IL34: variants seen among roughly 807,000 people sequenced by gnomAD.
IL34 encodes interleukin-34.
IL34 carries 17 observed loss-of-function variants against 25.3 expected under a neutral mutation model. The ratio of observed to expected loss-of-function variants is 0.67; its 90% CI spans 0.46 to 1.01. IL34 has a LOEUF of 1.01. IL34 is among the 50% of genes least tolerant of loss of function. IL34 has a pLI of 0.00. For missense variants in IL34, 368 were observed against 312.9 expected (o/e 1.18, Z -1.33); for synonymous variants, 174 against 140.9 (o/e 1.23, Z -1.66).
At chr16:70,637,323 C>T (rs562580986) in intron 1 of IL34, among the ~76,000 whole-genome samples, 68 of 152,088 alleles carry the variant, frequency 4.5e-4, no homozygotes, top group Admixed American at 3.3e-3. Flanking sequence ...TTAGGTTTTA[C>T]AATTAATTCT....
intron 1 of IL34, among the ~76,000 whole-genome samples, chr16:70,607,264 G>A (rs2051020537): frequency 6.6e-6 from 1 of 152,072 alleles, no homozygotes; most frequent in African/African-American, 2.4e-5. Context: ...ACCACACCCA[G>A]CTAATTTTTT....
intron 1 of IL34, among the ~76,000 whole-genome samples, chr16:70,651,085 A>G (rs1293299530): frequency 6.6e-6 from 1 of 151,994 alleles, no homozygotes; most frequent in Non-Finnish European, 1.5e-5. Context: ...GGTGGCGCGC[A>G]CCTGTAATCC....
chr16:70,660,346 G>A lies in IL34; in HGVS notation c.*159G>A. The A allele has an allele frequency of 1.6e-6, 1 of 643,904 alleles. No homozygotes were observed. Among genetic ancestry groups the A allele is most frequent in the Non-Finnish European group, 2.5e-6 (1 of 399,760 alleles). The allele number at this position is 643,904 out of a possible 1,614,324, so 39.9% of individuals were successfully genotyped here. On this transcript the variant is annotated 3_prime_UTR_variant, in exon 6 of 6. Transcript: ENST00000288098. ...TGAGGGGGATTCTGTGCCACAGCAGGGCTCAGCTTCCTGCCTTCCATAGCT... is the reference window on the plus strand; with the variant it reads ...TGAGGGGGATTCTGTGCCACAGCAGAGCTCAGCTTCCTGCCTTCCATAGCT...
chr16:70,630,357 G>C (rs542185312), intron 1 of IL34, among the ~76,000 whole-genome samples: 3 of 151,944 alleles, frequency 2.0e-5, no homozygotes, highest in Non-Finnish European at 4.4e-5. Flanking sequence ...TCAACCTCCC[G>C]AGTAGCTGGG....
chr16:70,639,549 A>T (rs2051732980), intron 1 of IL34, among the ~76,000 whole-genome samples: 1 of 152,218 alleles, frequency 6.6e-6, no homozygotes, highest in Non-Finnish European at 1.5e-5. Context: ...CAACATCAGC[A>T]AAGAGTGGAG....
chr16:70,659,793 C>T, intron 5 of IL34, 40 bp downstream of exon 5: 1 of 1,573,598 alleles, frequency 6.4e-7, no homozygotes. Context: ...GGGTGGGAGG[C>T]CAGGCATCTG....
intron 1 of IL34, among the ~76,000 whole-genome samples, chr16:70,612,551 A>C (rs527285206): frequency 4.1e-4 from 62 of 152,362 alleles, no homozygotes; most frequent in African/African-American, 1.4e-3. Context: ...AATGATTCAC[A>C]CTAAAGTGTG....
chr16:70,637,187 G>A (rs577268321), intron 1 of IL34, among the ~76,000 whole-genome samples: 1 of 151,766 alleles, frequency 6.6e-6, no homozygotes, highest in African/African-American at 2.4e-5. Context: ...AATTTTTTCA[G>A]TTTATTTTTT....
intron 1 of IL34, among the ~76,000 whole-genome samples, chr16:70,584,885 G>C (rs2050673924): frequency 1.3e-5 from 2 of 152,072 alleles, no homozygotes; most frequent in African/African-American, 4.8e-5. Flanking sequence ...ATTTTTAGTA[G>C]AGACAGGGTT....
chr16:70,587,607 C>T lies in IL34; in HGVS notation c.-401+7558C>T, dbSNP rs2050709973. 6.6e-5 allele frequency among the ~76,000 whole-genome samples: 10 copies of T among 152,124 alleles called. No individual in the cohort carries two copies. The South Asian group carries it at 2.1e-3, about 32-fold the overall frequency. ...GTTTGAATCCCAGCTCTGCCACCTG[C>T]CGCCTATAGGACCTTGGCAGAGTCA... On this transcript the variant is annotated intron_variant, in intron 1 of 6. Transcript: ENST00000429149.
chr16:70,596,392 A>C (rs1029879772), intron 1 of IL34, among the ~76,000 whole-genome samples: 4 of 152,194 alleles, frequency 2.6e-5, no homozygotes, highest in African/African-American at 9.6e-5. Context: ...GCATCTCCAG[A>C]GGCACAAAGA....
intron 1 of IL34, among the ~76,000 whole-genome samples, chr16:70,636,380 A>C (rs2151856763): frequency 1.3e-5 from 2 of 152,276 alleles, no homozygotes; most frequent in East Asian, 3.9e-4. Flanking sequence ...TGGTTCATTT[A>C]CAGTCTAGAA....
rs2051938522 is a variant in IL34 at position 70,646,658 on chromosome 16, G to T, written c.-290G>T. 1 of 423,442 alleles carries T rather than the reference G, an allele frequency of 2.4e-6. No homozygotes were observed. Among genetic ancestry groups the T allele is most frequent in the South Asian group, 6.2e-5 (1 of 16,160 alleles). 26.2% of individuals were successfully genotyped at this position (423,442 alleles called of 1,614,324 possible). ...CTCTCTCCTCCTGCTCCTTGGAAAG[G>T]AAGACCCCGAAAGACCCCCAAGCCA... is the stretch of plus-strand genomic sequence containing the variant. On this transcript the variant is annotated 5_prime_UTR_variant, in exon 1 of 6. Coordinates refer to ENST00000288098, the MANE Select transcript of IL34 (RefSeq NM_001393494.1).
intron 1 of IL34, among the ~76,000 whole-genome samples, chr16:70,636,736 C>G (rs977464810): frequency 1.3e-5 from 2 of 151,848 alleles, no homozygotes; most frequent in African/African-American, 4.8e-5. Flanking sequence ...CCACTGCACT[C>G]CAGCCTTGGC....
intron 1 of IL34, among the ~76,000 whole-genome samples, chr16:70,636,458 G>A (rs1347174152): frequency 1.3e-5 from 2 of 152,174 alleles, no homozygotes; most frequent in Admixed American, 1.3e-4. Context: ...CACATTGCTT[G>A]ACATAGATAG....
intron 1 of IL34, among the ~76,000 whole-genome samples, chr16:70,587,363 G>A (rs961090662): frequency 7.9e-5 from 12 of 151,948 alleles, no homozygotes; most frequent in Admixed American, 5.9e-4. Flanking sequence ...TCCGCCTCCC[G>A]GGTTCACGCC....
rs116203712 is a variant in IL34, at chr16:70,616,516, T to C, written c.-400-30032T>C. ...CTCATATTGTTTTGCTTATTTTATT[T>C]ATTTATTTTTTTGTGAGCAACATGT... On this transcript the variant is annotated intron_variant, in intron 1 of 6. Coordinates refer to the IL34 transcript ENST00000429149. Among the ~76,000 whole-genome samples the C allele has an allele frequency of 4.1e-3, 632 of 152,362 alleles. 5 individuals are homozygous for C. Among genetic ancestry groups the C allele is most frequent in the Middle Eastern group, 0.02 (6 of 294 alleles).
intron 1 of IL34, among the ~76,000 whole-genome samples, chr16:70,632,057 G>C (rs780203897): frequency 1.3e-5 from 2 of 150,266 alleles, no homozygotes; most frequent in African/African-American, 2.5e-5. Context: ...AGTGGAGATC[G>C]TGCCACTGCA....
upstream of IL34, among the ~76,000 whole-genome samples, chr16:70,644,977 A>T (rs1387260197): frequency 7.4e-6 from 1 of 135,056 alleles, no homozygotes; most frequent in Non-Finnish European, 1.6e-5. Flanking sequence ...AGGAAGAGAA[A>T]GGGAGTAGGA....
Sources: gnomAD v4.1 joint callset for allele counts (sites outside exome capture counted in the v4.1 genomes callset) on GRCh38, gnomAD v4.1.1 for gene constraint, MANE v1.5 for transcripts, NCBI Gene and HGNC (gene_info 2026-07-23, HGNC 2026-07-21) for gene names.